Variants in IREB2 observed in about 807,000 individuals in gnomAD.
IREB2 encodes the protein iron responsive element binding protein 2, also known as iron-responsive element-binding protein 2.
In IREB2, 39 loss-of-function variants were observed where a neutral mutation model predicts 118.8. The ratio of observed to expected loss-of-function variants is 0.33; its 90% CI spans 0.25 to 0.43. IREB2 has a LOEUF of 0.43. Among genes scored for constraint, IREB2 ranks in the 20% least tolerant of loss-of-function variants. The pLI is 1.00. For synonymous variants in IREB2, 372 were observed against 392.2 expected (o/e 0.95, Z 0.61); for missense variants, 900 against 1,147.3 (o/e 0.78, Z 3.11).
chr15:78,442,667 C>G (rs2568487), intron 2 of IREB2, among the ~76,000 whole-genome samples: 151,080 of 152,346 alleles, frequency 0.99, 74,927 homozygotes, highest in East Asian at 1. Flanking sequence ...TTAAGAAATA[C>G]GAGTTTATTT....
chr15:78,463,874 C>T (rs2051238549), intron 3 of IREB2, among the ~76,000 whole-genome samples: 1 of 152,186 alleles, frequency 6.6e-6, no homozygotes, highest in Admixed American at 6.5e-5. Context: ...TTGTCTATCT[C>T]AACTCACCTA....
intron 10 of IREB2, among the ~76,000 whole-genome samples, chr15:78,479,340 A>C (rs1384640786): frequency 6.6e-6 from 1 of 151,032 alleles, no homozygotes; most frequent in Non-Finnish European, 1.5e-5. Context: ...TTAATTTTAC[A>C]TAGAGTTTTA....
Position 78,498,091 on chromosome 15 carries a change from CATT to C in IREB2, c.2843_2845del (p.Leu948del). On this transcript the variant is annotated inframe_deletion, in exon 22 of 22. Transcript: ENST00000258886. ...TCGTTTGAAGATGATGTGGAAATAA[CATT>C]ATACAAACATGGAGGATTATTAAAC... 6.2e-7 allele frequency: 1 copy of C among 1,613,054 alleles called. No homozygotes were observed. The highest frequency in any genetic ancestry group is 8.5e-7 in the Non-Finnish European group (1 of 1,179,120).
chr15:78,447,659 G>A (rs1435808576), intron 2 of IREB2, among the ~76,000 whole-genome samples: 1 of 151,594 alleles, frequency 6.6e-6, no homozygotes, highest in Admixed American at 6.6e-5. Flanking sequence ...TTATAGAGAC[G>A]GGAGTCTCCT....
chr15:78,438,631 G>C (rs1030299538), intron 1 of IREB2: 72 of 480,828 alleles, frequency 1.5e-4, no homozygotes, highest in Non-Finnish European at 2.6e-4. Flanking sequence ...GGTGGCCGCT[G>C]CCTGCTGCCA....
chr15:78,447,305 A>G (rs1346097105), intron 2 of IREB2, among the ~76,000 whole-genome samples: 6 of 148,720 alleles, frequency 4.0e-5, no homozygotes, highest in East Asian at 2.0e-4. Context: ...GCCTCCCACT[A>G]CAAGAAGACA....
At chr15:78,459,117 A>G (rs1281969154) in intron 2 of IREB2, among the ~76,000 whole-genome samples, 1 of 152,160 alleles carries the variant, frequency 6.6e-6, no homozygotes, top group Non-Finnish European at 1.5e-5. Flanking sequence ...AACGGGAAAA[A>G]AAAGTAGCGT....
In IREB2 at chr15:78,465,346, A is replaced by G. The variant is rs1567170123; in HGVS notation, c.368A>G (p.Asp123Gly). The change falls in exon 4 of 22, where the codon GAT (aspartate) becomes GGT (glycine). Residue 123 changes from aspartate to glycine, a missense_variant. Physicochemically the swap from Asp to Gly is moderately conservative, Grantham distance 94. Transcript: ENST00000258886. ...PEKVHPACPT[D>G]LTVDHSLQID... is the part of the protein sequence containing the mutation. ...AAAGTCCATCCTGCTTGTCCGACAG[A>G]TCTTACAGTTGACCATTCTTTACAA... is the stretch of plus-strand genomic sequence containing the variant. 1 of 1,613,582 alleles carries G rather than the reference A, an allele frequency of 6.2e-7. No homozygotes were observed.
At chr15:78,484,632 G>A (rs565851343) in intron 11 of IREB2, 129 bp from the exon 12 acceptor site, 1 of 636,526 alleles carries the variant, frequency 1.6e-6, no homozygotes, top group South Asian at 2.2e-5. Flanking sequence ...TGGGCCTTTA[G>A]CATCACTCAC....
rs867717963 is a variant in IREB2 at position 78,469,385 on chromosome 15, A to G, written c.630-1147A>G. ...ACTAAGATATGCTTGGCTTCAAAAG[A>G]TGACTCAACTATGAATTATTAAAGT... On this transcript the variant is annotated intron_variant, in intron 5 of 21. Coordinates refer to ENST00000258886, the MANE Select transcript of IREB2 (RefSeq NM_004136.4). 3.9e-5 allele frequency among the ~76,000 whole-genome samples: 6 copies of G among 152,114 alleles called. No homozygotes were observed. In the South Asian group the frequency reaches 8.3e-4, roughly 21 times the overall value.
intron 10 of IREB2, among the ~76,000 whole-genome samples, chr15:78,482,557 A>AT (rs1198156950): frequency 4.6e-5 from 7 of 152,218 alleles, no homozygotes; most frequent in African/African-American, 1.7e-4. Context: ...CAGTCTTCAC[A>AT]TTCTTCACAT....
intron 18 of IREB2, among the ~76,000 whole-genome samples, chr15:78,493,423 G>GAT (rs2141528158): frequency 6.6e-6 from 1 of 152,174 alleles, no homozygotes; most frequent in Admixed American, 6.6e-5. Context: ...AAAAAAAATC[G>GAT]ATGTATAAGT....
chr15:78,493,788 T>G (rs980618004), intron 18 of IREB2, 121 bp from the exon 19 acceptor site: 6 of 822,804 alleles, frequency 7.3e-6, no homozygotes, highest in Non-Finnish European at 5.7e-6. Context: ...TTCATGGTTT[T>G]GTTTTCTTTT....
chr15:78,485,059 C>T, intron 12 of IREB2, 139 bp downstream of exon 12: 1 of 688,576 alleles, frequency 1.5e-6, no homozygotes, highest in Non-Finnish European at 2.3e-6. Flanking sequence ...TTAGTTAGGT[C>T]TTAAGGAGCC....
In IREB2 at chr15:78,465,400, C is replaced by A. The variant is rs1441801349; in HGVS notation, c.410+12C>A. On this transcript the variant is annotated intron_variant, in intron 4 of 21. Coordinates refer to ENST00000258886, the MANE Select transcript of IREB2 (RefSeq NM_004136.4). The stretch of plus-strand genomic sequence containing the variant: ...GACTTCAGTAAATGGTACTTCAATG[C>A]AGATATTTATAGACAGCCATGCAAG... The A allele has an allele frequency of 3.1e-6, 5 of 1,603,004 alleles. No homozygotes were observed. In the Admixed American group the frequency reaches 8.6e-5, roughly 28 times the overall value.
At chr15:78,443,727 A>G (rs1852787368) in intron 2 of IREB2, among the ~76,000 whole-genome samples, 1 of 150,762 alleles carries the variant, frequency 6.6e-6, no homozygotes, top group Non-Finnish European at 1.5e-5. Context: ...GTTCATTGCC[A>G]CCTCCATCTC....
chr15:78,482,976 T>A (rs921476499), intron 10 of IREB2, among the ~76,000 whole-genome samples: 4 of 152,134 alleles, frequency 2.6e-5, no homozygotes, highest in African/African-American at 7.2e-5. Context: ...CCTGACCTCG[T>A]GACCTGCCCA....
Position 78,476,088 on chromosome 15 carries a change from C to T in IREB2, c.1024-100C>T, listed in dbSNP as rs1379403569. On this transcript the variant is annotated intron_variant, in intron 8 of 21. Transcript: ENST00000258886. ...ATGAAGGATCTCATTCCTTCACCAT[C>T]ACTAGTATTGGTTAAAAATTTTATT... The T allele has an allele frequency of 1.1e-5, 8 of 753,994 alleles. No individual in the cohort carries two copies. The African/African-American group carries it at 1.2e-4, about 11-fold the overall frequency. The allele number at this position is 753,994 out of a possible 1,614,324, so 46.7% of individuals were successfully genotyped here.
chr15:78,454,490 G>T (rs551157406), intron 2 of IREB2, among the ~76,000 whole-genome samples: 2 of 152,302 alleles, frequency 1.3e-5, no homozygotes, highest in South Asian at 4.1e-4. Flanking sequence ...TAGATTGGTG[G>T]TTTCTTGGGT....
Sources: gnomAD v4.1 joint callset for allele counts (sites outside exome capture counted in the v4.1 genomes callset) on GRCh38, gnomAD v4.1.1 for gene constraint, MANE v1.5 for transcripts, NCBI Gene and HGNC (gene_info 2026-07-23, HGNC 2026-07-21) for gene names.